Variants in PARP2 observed in about 807,000 individuals in gnomAD.
PARP2 encodes poly(ADP-ribose) polymerase 2.
PARP2 carries 57 observed loss-of-function variants against 77.8 expected under a neutral mutation model. That is an observed-to-expected ratio of 0.73 (90% confidence interval 0.59 to 0.91). PARP2 has a LOEUF of 0.91. Ranked by LOEUF, PARP2 falls within the 40% of genes least tolerant of loss-of-function variation. PARP2 has a pLI of 0.00. For synonymous variants in PARP2, 226 were observed against 242.6 expected, an observed-to-expected ratio of 0.93 and a Z score of 0.64; for missense variants, 651 against 689.0, an observed-to-expected ratio of 0.94 and a Z score of 0.62.
intron 14 of PARP2, 37 bp downstream of exon 14, chr14:20,357,186 A>C: frequency 2.0e-6 from 3 of 1,488,010 alleles, no homozygotes; most frequent in Non-Finnish European, 2.8e-6. Context: ...CTAGTTTATT[A>C]ATTCCAGTTT....
chr14:20,345,001 C>T lies in PARP2; in HGVS notation c.116C>T (p.Thr39Ile). The T allele has an allele frequency of 6.2e-7, 1 of 1,613,934 alleles. No homozygotes were observed. The highest frequency in any genetic ancestry group is 8.5e-7 in the Non-Finnish European group (1 of 1,179,862). Residue 39 changes from threonine to isoleucine, a missense_variant, in exon 2 of 16, where the codon ACT (threonine) becomes ATT (isoleucine). Transcript: ENST00000429687. The stretch of plus-strand genomic sequence containing the variant: ...GAAGACTCTTCCCCTGCCAAGAAAA[C>T]TCGTAGATGCCAGAGACAGGAGTCG... ...APEDSSPAKKTRRCQRQESKK... is the reference protein window; with the variant it reads ...APEDSSPAKKIRRCQRQESKK...
chr14:20,354,966 C>T lies in PARP2; in HGVS notation c.902+19C>T, dbSNP rs770460167. On this transcript the variant is annotated intron_variant, in intron 9 of 15. Coordinates refer to ENST00000429687, the MANE Select transcript of PARP2 (RefSeq NM_001042618.2). ...ACTTTGGGTAAGGCCTGTGCTGTTA[C>T]TTCACTTTGTTCTTCTACCTATACA... 4.4e-6 allele frequency: 7 copies of T among 1,603,446 alleles called. No homozygotes were observed. Among genetic ancestry groups the T allele is most frequent in the Non-Finnish European group, 6.0e-6 (7 of 1,175,268 alleles).
At chr14:20,357,315 A>T (rs1370511876) in intron 14 of PARP2, 81 bp from the exon 15 acceptor site, 4 of 1,496,010 alleles carry the variant, frequency 2.7e-6, no homozygotes, top group Non-Finnish European at 3.7e-6. Context: ...GGAAAAAAGT[A>T]CTGATGGGAT....
chr14:20,355,056 G>A lies in PARP2; in HGVS notation c.902+109G>A, dbSNP rs79176594. On this transcript the variant is annotated intron_variant, in intron 9 of 15. Transcript: ENST00000429687. ...ATCTTTTATTCCTAAGAAAATGATC[G>A]TCTTGAATAGGTACAGAAACAAAAT... The A allele has an allele frequency of 1.4e-4, 146 of 1,044,698 alleles. No individual in the cohort carries two copies. The African/African-American group carries it at 2.0e-3, about 14-fold the overall frequency. 64.7% of individuals were successfully genotyped at this position (1,044,698 alleles called of 1,614,324 possible).
At position 20,354,937 on chromosome 14, in the gene PARP2, C is replaced by A. The variant is rs1189678500; in HGVS notation, c.892C>A (p.His298Asn). 1 of 1,613,404 alleles carries A rather than the reference C, an allele frequency of 6.2e-7. No individual in the cohort carries two copies. The highest frequency in any genetic ancestry group is 8.5e-7 in the Non-Finnish European group (1 of 1,179,594). Residue 298 changes from histidine to asparagine, a missense_variant, in exon 9 of 16, where the codon CAT becomes AAT. His to Asn is a moderately conservative substitution (Grantham distance 68). Transcript: ENST00000429687. ...CAATGAATTCTACACCAGGATTCCG[C>A]ATGACTTTGGGTAAGGCCTGTGCTG... ...ACNEFYTRIPHDFGLRTPPLI... is the reference protein window; with the variant it reads ...ACNEFYTRIPNDFGLRTPPLI...
chr14:20,355,535 A>T (rs1884113129), intron 9 of PARP2: 1 of 356,980 alleles, frequency 2.8e-6, no homozygotes, highest in Non-Finnish European at 5.0e-6. Context: ...CTCAAAAGTC[A>T]AAATCCACAT....
At chr14:20,354,339 C>G (rs897387392) in intron 8 of PARP2, 92 bp downstream of exon 8, 6 of 1,069,698 alleles carry the variant, frequency 5.6e-6, no homozygotes, top group Non-Finnish European at 8.3e-6. Flanking sequence ...AAAGCTTGCT[C>G]ATAGTACTGA....
At chr14:20,352,498 T>A in intron 7 of PARP2, 151 bp downstream of exon 7, 1 of 511,174 alleles carries the variant, frequency 2.0e-6, no homozygotes, top group Non-Finnish European at 3.4e-6. Context: ...TCCTCCCACC[T>A]CAGCCTCCTC....
At position 20,357,092 on chromosome 14, in the gene PARP2, T is replaced by G. The variant is rs1217519702; in HGVS notation, c.1371T>G (p.Ser457Arg). Residue 457 changes from serine to arginine, a missense_variant, in exon 14 of 16, where the codon AGT becomes AGG. Ser to Arg is a moderately radical substitution (Grantham distance 110). Coordinates refer to ENST00000429687, the MANE Select transcript of PARP2 (RefSeq NM_001042618.2). ...GIYFADMSSK[S>R]ANYCFASRLK... ...ACTTTGCTGACATGTCTTCCAAGAG[T>G]GCCAATTACTGCTTTGCCTCTCGCC... 1.2e-5 allele frequency: 20 copies of G among 1,613,138 alleles called. No individual in the cohort carries two copies. Among genetic ancestry groups the G allele is most frequent in the Non-Finnish European group, 1.6e-5 (19 of 1,179,240 alleles).
At chr14:20,356,462 G>C in intron 12 of PARP2, 28 bp downstream of exon 12, 1 of 1,614,056 alleles carries the variant, frequency 6.2e-7, no homozygotes, top group Non-Finnish European at 8.5e-7. Flanking sequence ...CGTTTGGAAA[G>C]ACACTCCTTG....
chr14:20,355,096 CTATT>C, intron 9 of PARP2, 149 bp downstream of exon 9: 1 of 692,426 alleles, frequency 1.4e-6, no homozygotes, highest in South Asian at 2.2e-5. Context: ...TATAGGTAGC[CTATT>C]TAATCAGCTT....
intron 13 of PARP2, 89 bp downstream of exon 13, chr14:20,356,778 G>A (rs1288685144): frequency 9.8e-7 from 1 of 1,024,818 alleles, no homozygotes; most frequent in Non-Finnish European, 1.5e-6. Context: ...GGATTAGATG[G>A]TTCCCCTCCC....
intron 4 of PARP2, among the ~76,000 whole-genome samples, chr14:20,347,705 C>A (rs1883819882): frequency 6.6e-6 from 1 of 151,676 alleles, no homozygotes; most frequent in Non-Finnish European, 1.5e-5. Flanking sequence ...GCCACTGCGC[C>A]CGGCAAGTCC....
intron 5 of PARP2, 154 bp downstream of exon 5, chr14:20,350,776 G>T: frequency 1.6e-6 from 1 of 613,864 alleles, no homozygotes. Context: ...CTTGAAATTG[G>T]GGAATGGCAG....
rs1434401627 is a variant in PARP2 at position 20,355,743 on chromosome 14, T to C, written c.903-9T>C. ...GAAAGCTCATTATGGGTTATATCTC[T>C]GTTCTTAGACTCCGTACTCCTCCAC... On this transcript the variant is annotated splice_polypyrimidine_tract_variant and intron_variant, in intron 9 of 15. Transcript: ENST00000429687. The C allele has an allele frequency of 1.9e-6, 3 of 1,611,536 alleles. No individual in the cohort carries two copies. Among genetic ancestry groups the C allele is most frequent in the African/African-American group, 2.7e-5 (2 of 75,000 alleles).
intron 4 of PARP2, among the ~76,000 whole-genome samples, chr14:20,348,700 T>C (rs1883854748): frequency 1.3e-5 from 2 of 152,204 alleles, no homozygotes; most frequent in Non-Finnish European, 2.9e-5. Context: ...TTTCTTCTAC[T>C]TAAAATACCA....
At chr14:20,354,006 T>C (rs1229541916) in intron 7 of PARP2, 79 bp from the exon 8 acceptor site, 4 of 1,109,318 alleles carry the variant, frequency 3.6e-6, no homozygotes, top group Non-Finnish European at 4.0e-6. Context: ...AGCATTTACA[T>C]TGTATAATAT....
In PARP2 at chr14:20,351,141, C is replaced by A; in HGVS notation, c.497+19C>A. The A allele has an allele frequency of 1.3e-6, 2 of 1,597,264 alleles. No individual in the cohort carries two copies. The highest frequency in any genetic ancestry group is 3.4e-5 in the Admixed American group (2 of 58,658). Reference sequence around the variant, plus strand: ...AGAAGAAGTGAGTGCTGAAAAGTGACTACAAAAAAATATACCCTCCTCTTC... The same window carrying A: ...AGAAGAAGTGAGTGCTGAAAAGTGAATACAAAAAAATATACCCTCCTCTTC... On this transcript the variant is annotated intron_variant, in intron 6 of 15. Transcript: ENST00000429687.
chr14:20,354,849 T>C lies in PARP2; in HGVS notation c.804T>C (p.Ser268=). 6.2e-7 allele frequency: 1 copy of C among 1,614,004 alleles called. No individual in the cohort carries two copies. Among genetic ancestry groups the C allele is most frequent in the East Asian group, 2.2e-5 (1 of 44,886 alleles). The change falls in exon 9 of 16, where the codon TCT becomes TCC. Residue 268 remains serine, a synonymous_variant. Transcript: ENST00000429687. ...TVAQIKAGYQ[S]LKKIEDCIRA... is the part of the protein sequence containing the mutation. ...CACAAATCAAGGCAGGTTACCAGTC[T>C]CTTAAGAAGATTGAGGATTGTATTC...
Sources: gnomAD v4.1 joint callset for allele counts (sites outside exome capture counted in the v4.1 genomes callset) on GRCh38, gnomAD v4.1.1 for gene constraint, MANE v1.5 for transcripts, NCBI Gene and HGNC (gene_info 2026-07-23, HGNC 2026-07-21) for gene names.